The following KATNAL2 variants were observed in gnomAD, a reference collection of about 807,000 sequenced individuals.
The protein encoded by KATNAL2 is katanin p60 ATPase-containing subunit A-like 2.
A neutral mutation model predicts 76.3 loss-of-function variants in KATNAL2; 52 were observed. That is an observed-to-expected ratio of 0.68 (90% CI 0.55 to 0.86). The LOEUF (loss-of-function observed/expected upper bound fraction) is 0.86. Among genes scored for constraint, KATNAL2 ranks in the 40% least tolerant of loss-of-function variants. The probability of loss-of-function intolerance (pLI) is 0.00; values close to 1 mark genes in which losing one functional copy is unlikely to be tolerated. For missense variants in KATNAL2, 660 were observed against 668.9 expected, an observed-to-expected ratio of 0.99 and a Z score of 0.15; for synonymous variants, 243 against 244.2, an observed-to-expected ratio of 1.00 and a Z score of 0.05.
intron 1 of KATNAL2, among the ~76,000 whole-genome samples, chr18:46,923,244 C>A (rs200871607): frequency 2.9e-5 from 4 of 137,024 alleles, no homozygotes; most frequent in Non-Finnish European, 6.2e-5. Context: ...TCCCCGTCCC[C>A]GGTGTGTGAT....
chr18:47,033,961 T>C lies in KATNAL2; in HGVS notation c.52-12496T>C, dbSNP rs1393073796. ...CGCCTGCAGCCTCTCTGACTGGCTT[T>C]CCTGGACAGGAGGCAATTTCTTAGC... On this transcript the variant is annotated intron_variant, in intron 3 of 17. Transcript: ENST00000683218. 1.2e-6 allele frequency: 2 copies of C among 1,613,282 alleles called. No individual in the cohort carries two copies. The highest frequency in any genetic ancestry group is 1.7e-6 in the Non-Finnish European group (2 of 1,180,044).
chr18:47,077,468 G>C lies in KATNAL2; in HGVS notation c.1211+7G>C, dbSNP rs757334559. Reference sequence around the variant, plus strand: ...CAGCTTCTAACCTGCCGTGGTAAGAGACCAAGAGAGTAAATTTTGAATACA... The same window carrying C: ...CAGCTTCTAACCTGCCGTGGTAAGACACCAAGAGAGTAAATTTTGAATACA... On this transcript the variant is annotated splice_region_variant and intron_variant, in intron 15 of 17. Coordinates refer to ENST00000683218, the MANE Select transcript of KATNAL2 (RefSeq NM_001387690.1). 3.1e-6 allele frequency: 5 copies of C among 1,594,140 alleles called. No individual in the cohort carries two copies. Among genetic ancestry groups the C allele is most frequent in the African/African-American group, 1.3e-5 (1 of 74,662 alleles).
chr18:47,072,343 G>A (rs1382363847), intron 13 of KATNAL2, among the ~76,000 whole-genome samples: 2 of 152,192 alleles, frequency 1.3e-5, no homozygotes, highest in Non-Finnish European at 2.9e-5. Flanking sequence ...AGCCCTCTCT[G>A]CAGAGGCAAC....
intron 3 of KATNAL2, among the ~76,000 whole-genome samples, chr18:46,947,184 T>C (rs8095351): frequency 0.025 from 3,852 of 152,178 alleles, 146 homozygotes; most frequent in African/African-American, 0.089. Flanking sequence ...GGTTCCTGAT[T>C]GAGGAAATGA....
intron 15 of KATNAL2, among the ~76,000 whole-genome samples, chr18:47,086,224 A>C (rs1453465358): frequency 6.6e-6 from 1 of 151,952 alleles, no homozygotes; most frequent in Non-Finnish European, 1.5e-5. Context: ...CCATTTGAAA[A>C]CCTTTTGGAA....
intron 4 of KATNAL2, among the ~76,000 whole-genome samples, chr18:47,047,746 G>T (rs564188726): frequency 2.6e-4 from 39 of 152,170 alleles, no homozygotes; most frequent in Middle Eastern, 3.4e-3. Flanking sequence ...ACAGATGGGG[G>T]TCTCACTCTG....
At chr18:46,943,939 A>T (rs1392621433) in intron 1 of KATNAL2, among the ~76,000 whole-genome samples, 1 of 152,230 alleles carries the variant, frequency 6.6e-6, no homozygotes, top group East Asian at 1.9e-4. Context: ...GCATGATTGT[A>T]GGGCTCACCT....
intron 3 of KATNAL2, among the ~76,000 whole-genome samples, chr18:46,957,851 C>T (rs778750093): frequency 3.9e-5 from 6 of 152,052 alleles, no homozygotes; most frequent in African/African-American, 7.2e-5. Flanking sequence ...CGTGAGCCAC[C>T]GCGCCCAGCC....
intron 1 of KATNAL2, among the ~76,000 whole-genome samples, chr18:46,942,763 C>T (rs2059282596): frequency 6.6e-6 from 1 of 151,836 alleles, no homozygotes; most frequent in Non-Finnish European, 1.5e-5. Context: ...CTCTGTAATT[C>T]CTGGATATGA....
At chr18:46,938,846 T>A (rs1429381182) in intron 1 of KATNAL2, among the ~76,000 whole-genome samples, 2 of 152,128 alleles carry the variant, frequency 1.3e-5, no homozygotes, top group African/African-American at 2.4e-5. Context: ...TATCATTATC[T>A]ATCCTCTCAA....
intron 6 of KATNAL2, among the ~76,000 whole-genome samples, chr18:47,057,562 C>T (rs572351646): frequency 2.2e-3 from 338 of 152,278 alleles, no homozygotes; most frequent in African/African-American, 7.8e-3. Flanking sequence ...CAAATTCTCC[C>T]CATCTCCATC....
At chr18:46,922,659 TG>T (rs1320901880) in intron 1 of KATNAL2, among the ~76,000 whole-genome samples, 1 of 151,508 alleles carries the variant, frequency 6.6e-6, no homozygotes, top group Non-Finnish European at 1.5e-5. Flanking sequence ...GAGCCAAGTG[TG>T]GTGGTGCATG....
chr18:47,100,176 C>A, intron 16 of KATNAL2, 78 bp from the exon 17 acceptor site: 1 of 940,100 alleles, frequency 1.1e-6, no homozygotes, highest in South Asian at 1.4e-5. Context: ...GCTTCTGATA[C>A]TGGGTCCTGC....
intron 11 of KATNAL2, 62 bp downstream of exon 11, chr18:47,067,181 TCA>T: frequency 1.3e-6 from 1 of 758,982 alleles, no homozygotes; most frequent in Non-Finnish European, 2.2e-6. Context: ...AAGCTGTATG[TCA>T]CACAACTATC....
chr18:46,954,402 C>T lies in KATNAL2; in HGVS notation c.51+7479C>T, dbSNP rs1452493601. Among the ~76,000 whole-genome samples, 3 of 146,694 alleles carry T rather than the reference C, an allele frequency of 2.0e-5. No homozygotes were observed. In the Admixed American group the frequency reaches 2.1e-4, roughly 10 times the overall value. On this transcript the variant is annotated intron_variant, in intron 3 of 17. Coordinates refer to ENST00000683218, the MANE Select transcript of KATNAL2 (RefSeq NM_001387690.1). ...CGGGAGTATAGTGGCATGATCTCGGCTCACTGCAACCTCTGCCTCCCATGT... is the reference window on the plus strand; with the variant it reads ...CGGGAGTATAGTGGCATGATCTCGGTTCACTGCAACCTCTGCCTCCCATGT...
intron 14 of KATNAL2, 144 bp downstream of exon 14, chr18:47,075,512 G>A (rs1187455892): frequency 6.3e-6 from 3 of 479,456 alleles, no homozygotes; most frequent in Admixed American, 4.4e-5. Context: ...GCAGACACAT[G>A]GAAAGGTCTT....
intron 3 of KATNAL2, among the ~76,000 whole-genome samples, chr18:47,041,394 C>A (rs1160493902): frequency 1.3e-5 from 2 of 152,172 alleles, no homozygotes; most frequent in Non-Finnish European, 2.9e-5. Context: ...AATCACTTAT[C>A]CTTTTACTGT....
intron 4 of KATNAL2, among the ~76,000 whole-genome samples, chr18:47,047,375 G>A (rs2061193864): frequency 2.0e-5 from 3 of 152,128 alleles, no homozygotes; most frequent in African/African-American, 4.8e-5. Flanking sequence ...TAGTCTCACT[G>A]CTGGCTATGT....
chr18:46,932,394 G>T (rs117073785), intron 1 of KATNAL2, among the ~76,000 whole-genome samples: 2,170 of 152,050 alleles, frequency 0.014, 26 homozygotes, highest in Non-Finnish European at 0.021. Flanking sequence ...AAATGAAAGG[G>T]CTGGGCACGG....
Sources: allele counts gnomAD v4.1 joint callset (sites outside exome capture counted in the v4.1 genomes callset), GRCh38; gene constraint gnomAD v4.1.1; transcripts MANE v1.5; gene names NCBI Gene and HGNC (gene_info 2026-07-23, HGNC 2026-07-21).